The following DDX10 variants were observed in gnomAD, a reference collection of about 807,000 sequenced individuals.
DDX10 encodes the protein probable ATP-dependent RNA helicase DDX10.
In DDX10, 74 loss-of-function variants were observed where a neutral mutation model predicts 104.3. The ratio of observed to expected loss-of-function variants is 0.71; its 90% CI spans 0.59 to 0.86. DDX10 has a LOEUF of 0.86. Among genes scored for constraint, DDX10 ranks in the 40% least tolerant of loss-of-function variants. The pLI is 0.00. For missense variants in DDX10, 952 were observed against 1,040.0 expected (o/e 0.92, Z 1.16); for synonymous variants, 351 against 353.4 (o/e 0.99, Z 0.08).
chr11:108,702,212 TGTA>T (rs888827405), intron 9 of DDX10, among the ~76,000 whole-genome samples: 20 of 152,304 alleles, frequency 1.3e-4, no homozygotes, highest in Middle Eastern at 3.4e-3. Flanking sequence ...TTTAATAACT[TGTA>T]GTACAAAAAT....
At chr11:108,798,050 C>T (rs188224667) in intron 13 of DDX10, among the ~76,000 whole-genome samples, 5 of 152,298 alleles carry the variant, frequency 3.3e-5, no homozygotes, top group Admixed American at 6.5e-5. Context: ...ACTTGACTCC[C>T]TATTTTCTGC....
intron 13 of DDX10, among the ~76,000 whole-genome samples, chr11:108,741,910 A>G (rs977190533): frequency 6.6e-6 from 1 of 152,156 alleles, no homozygotes; most frequent in Non-Finnish European, 1.5e-5. Flanking sequence ...CCAAAGCTAG[A>G]AGAAGAAGAC....
intron 13 of DDX10, among the ~76,000 whole-genome samples, chr11:108,775,970 C>T (rs1258971780): frequency 6.6e-6 from 1 of 152,108 alleles, no homozygotes; most frequent in Non-Finnish European, 1.5e-5. Context: ...TTATGTTGGA[C>T]GTATCAGTAG....
intron 17 of DDX10, among the ~76,000 whole-genome samples, chr11:108,933,048 C>T (rs565220389): frequency 8.6e-5 from 13 of 151,972 alleles, no homozygotes; most frequent in Non-Finnish European, 1.5e-4. Flanking sequence ...AAGGGTAAGT[C>T]AAACGTTATT....
chr11:108,739,794 G>A (rs1456802633), intron 13 of DDX10, among the ~76,000 whole-genome samples: 1 of 152,160 alleles, frequency 6.6e-6, no homozygotes, highest in Non-Finnish European at 1.5e-5. Context: ...TGCCGAGTGA[G>A]TATCTTGTGT....
intron 13 of DDX10, among the ~76,000 whole-genome samples, chr11:108,790,143 A>G (rs935640075): frequency 1.3e-5 from 2 of 152,172 alleles, no homozygotes; most frequent in African/African-American, 4.8e-5. Flanking sequence ...AGCAAGTAAT[A>G]AGGGTGAGAA....
chr11:108,822,366 C>A, intron 13 of DDX10: 2 of 396,916 alleles, frequency 5.0e-6, no homozygotes, highest in South Asian at 2.0e-5. Context: ...GATTAGCTAT[C>A]AAGTCTGCCC....
intron 14 of DDX10, among the ~76,000 whole-genome samples, 154 bp from the exon 15 acceptor site, chr11:108,841,161 T>C (rs1862631578): frequency 6.6e-6 from 1 of 152,254 alleles, no homozygotes; most frequent in African/African-American, 2.4e-5. Flanking sequence ...GTCTCTTCTA[T>C]GGCTTGAAGT....
At chr11:108,805,762 A>G (rs985855891) in intron 13 of DDX10, among the ~76,000 whole-genome samples, 4 of 152,264 alleles carry the variant, frequency 2.6e-5, no homozygotes, top group African/African-American at 9.6e-5. Flanking sequence ...TGATGTCAGT[A>G]TGAACAACAA....
chr11:108,719,349 C>T (rs961243485), intron 11 of DDX10, among the ~76,000 whole-genome samples: 1 of 152,046 alleles, frequency 6.6e-6, no homozygotes, highest in Non-Finnish European at 1.5e-5. Flanking sequence ...TACATGCATT[C>T]TTCTAATTTT....
chr11:108,677,340 G>T, intron 4 of DDX10, 97 bp downstream of exon 4: 1 of 1,100,978 alleles, frequency 9.1e-7, no homozygotes, highest in Non-Finnish European at 1.3e-6. Flanking sequence ...CATCTAAACA[G>T]ACTGACCTAG....
chr11:108,827,746 C>T (rs1416683105), intron 13 of DDX10, among the ~76,000 whole-genome samples: 3 of 152,126 alleles, frequency 2.0e-5, no homozygotes, highest in Non-Finnish European at 2.9e-5. Flanking sequence ...ACTTCTTCTC[C>T]TTTAGTCTTG....
chr11:108,718,908 G>C (rs1439804884), intron 11 of DDX10, among the ~76,000 whole-genome samples: 4 of 152,200 alleles, frequency 2.6e-5, no homozygotes, highest in African/African-American at 9.6e-5. Context: ...TTGGAGATTA[G>C]TTGGGTAGAA....
intron 1 of DDX10, among the ~76,000 whole-genome samples, chr11:108,671,617 C>T (rs73001761): frequency 0.12 from 18,592 of 152,132 alleles, 1,534 homozygotes; most frequent in East Asian, 0.27. Flanking sequence ...ATACAGTCTC[C>T]GCAACAACTA....
intron 15 of DDX10, among the ~76,000 whole-genome samples, chr11:108,843,196 C>A (rs1252057978): frequency 2.0e-5 from 3 of 151,848 alleles, no homozygotes; most frequent in African/African-American, 7.3e-5. Flanking sequence ...GAACTTGAGG[C>A]AGTAGTGTGC....
At chr11:108,899,741 C>T (rs1433221815) in intron 16 of DDX10, among the ~76,000 whole-genome samples, 1 of 152,096 alleles carries the variant, frequency 6.6e-6, no homozygotes, top group Non-Finnish European at 1.5e-5. Flanking sequence ...GTGTTTGGGT[C>T]ACAGGGGCAG....
At chr11:108,830,181 A>G (rs1257961517) in intron 13 of DDX10, among the ~76,000 whole-genome samples, 4 of 151,976 alleles carry the variant, frequency 2.6e-5, no homozygotes, top group African/African-American at 9.7e-5. Flanking sequence ...TATTGATTCT[A>G]CCCATTTATG....
intron 13 of DDX10, among the ~76,000 whole-genome samples, chr11:108,826,001 G>C (rs1862390925): frequency 6.6e-6 from 1 of 151,514 alleles, no homozygotes; most frequent in African/African-American, 2.4e-5. Flanking sequence ...TCAAGATAAA[G>C]AGTCAAGTAT....
rs1319254125 is a variant in DDX10, at chr11:108,841,486, C to T, written c.2247+10C>T. ...TAAGGCAAAGCATCGGGTAAGCTTTCCATCTTGAATTCATACTGAGTAAAA... is the reference window on the plus strand; with the variant it reads ...TAAGGCAAAGCATCGGGTAAGCTTTTCATCTTGAATTCATACTGAGTAAAA... On this transcript the variant is annotated intron_variant, in intron 15 of 17. Transcript: ENST00000322536. The T allele has an allele frequency of 6.2e-7, 1 of 1,612,420 alleles. No individual in the cohort carries two copies. The highest frequency in any genetic ancestry group is 1.1e-5 in the South Asian group (1 of 90,692).
Sources: gnomAD v4.1 joint callset for allele counts (sites outside exome capture counted in the v4.1 genomes callset) on GRCh38, gnomAD v4.1.1 for gene constraint, MANE v1.5 for transcripts, NCBI Gene and HGNC (gene_info 2026-07-23, HGNC 2026-07-21) for gene names.